The following PARP1 variants were observed in gnomAD, a reference collection of about 807,000 sequenced individuals.
PARP1 encodes poly(ADP-ribose) polymerase 1.
Under a neutral mutation model 118.7 loss-of-function variants are expected in PARP1, and 44 were observed. That is an observed-to-expected ratio of 0.37 (90% CI 0.29 to 0.48). The LOEUF is 0.48. PARP1 is among the 20% of genes least tolerant of loss of function. PARP1 has a pLI of 0.99. For missense variants in PARP1, 1,100 were observed against 1,272.4 expected (o/e 0.86, Z 2.06); for synonymous variants, 492 against 483.2 (o/e 1.02, Z -0.24).
intron 12 of PARP1, among the ~76,000 whole-genome samples, chr1:226,378,203 G>A (rs1664532373): frequency 6.6e-6 from 1 of 152,050 alleles, no homozygotes; most frequent in South Asian, 2.1e-4. Context: ...ATCAACGTTA[G>A]AATTTAGTAA....
intron 2 of PARP1, chr1:226,392,841 C>A: frequency 7.9e-7 from 1 of 1,261,184 alleles, no homozygotes; most frequent in Non-Finnish European, 1.1e-6. Flanking sequence ...CTGGGGATCA[C>A]TGGCTAGCCA....
chr1:226,383,373 T>C (rs1664656926), intron 7 of PARP1, among the ~76,000 whole-genome samples, 190 bp from the exon 8 acceptor site: 1 of 152,330 alleles, frequency 6.6e-6, no homozygotes, highest in East Asian at 1.9e-4. Flanking sequence ...ACAGTACTTA[T>C]TTCCGGTACT....
Position 226,375,765 on chromosome 1 carries a change from T to C in PARP1, c.1941+1343A>G, listed in dbSNP as rs1014812260. ...GTGGCTATAAAAAACTTTAAATGTA[T>C]TGAAATGGCTTGAATTATAATTCTA... On this transcript the variant is annotated intron_variant, in intron 13 of 22. Coordinates refer to ENST00000366794, the MANE Select transcript of PARP1 (RefSeq NM_001618.4). Among the ~76,000 whole-genome samples, 3 of 152,198 alleles carry C rather than the reference T, an allele frequency of 2.0e-5. No individual in the cohort carries two copies. The East Asian group carries it at 5.8e-4, about 29-fold the overall frequency.
At position 226,364,068 on chromosome 1, in the gene PARP1, T is replaced by C; in HGVS notation, c.2661A>G (p.Thr887=). The C allele has an allele frequency of 1.2e-6, 2 of 1,614,002 alleles. No individual in the cohort carries two copies. The highest frequency in any genetic ancestry group is 1.7e-6 in the Non-Finnish European group (2 of 1,179,886). Residue 887 remains threonine (T), a splice_region_variant and synonymous_variant, in exon 20 of 23, where the codon ACA becomes ACG. Transcript: ENST00000366794. ...AGATCCCTTTACCAAACATGTAGCCTGTCTGGAAGGTCGGAAAAGGGAGAG... is the reference window on the plus strand; with the variant it reads ...AGATCCCTTTACCAAACATGTAGCCCGTCTGGAAGGTCGGAAAAGGGAGAG... ...LRIAPPEAPV[T]GYMFGKGIYF...
At position 226,395,118 on chromosome 1, in the gene PARP1, T is replaced by C. The variant is rs1293265658; in HGVS notation, c.287-2804A>G. 3.3e-5 allele frequency among the ~76,000 whole-genome samples: 5 copies of C among 151,984 alleles called. No individual in the cohort carries two copies. The South Asian group carries it at 6.2e-4, about 19-fold the overall frequency. On this transcript the variant is annotated intron_variant, in intron 2 of 22. Coordinates refer to ENST00000366794, the MANE Select transcript of PARP1 (RefSeq NM_001618.4). The stretch of plus-strand genomic sequence containing the variant: ...TACTTCACACACATTAGGATGGCTA[T>C]TATTTAAAAAAAAAAAAAGTGTTCA...
At chr1:226,392,998 G>A (rs1343483405) in intron 2 of PARP1, 3 of 1,522,808 alleles carry the variant, frequency 2.0e-6, no homozygotes, top group Non-Finnish European at 1.7e-6. Flanking sequence ...GTGCATTAAG[G>A]AAAGAAAAAG....
intron 1 of PARP1, among the ~76,000 whole-genome samples, chr1:226,403,966 C>T (rs1665089571): frequency 6.6e-6 from 1 of 152,178 alleles, no homozygotes; most frequent in Admixed American, 6.5e-5. Flanking sequence ...TGGCCTCTTT[C>T]TGGATGTGAT....
intron 2 of PARP1, chr1:226,392,973 T>C (rs904100045): frequency 6.4e-7 from 1 of 1,563,166 alleles, no homozygotes; most frequent in African/African-American, 1.4e-5. Flanking sequence ...CACATGGTAT[T>C]GGAGGTTCTA....
At chr1:226,403,578 C>G (rs1003840726) in intron 1 of PARP1, among the ~76,000 whole-genome samples, 1 of 152,268 alleles carries the variant, frequency 6.6e-6, no homozygotes, top group Non-Finnish European at 1.5e-5. Context: ...CTGTGTAATC[C>G]CACAATCTGC....
chr1:226,398,886 T>C (rs562589996), intron 2 of PARP1, among the ~76,000 whole-genome samples: 2 of 152,200 alleles, frequency 1.3e-5, no homozygotes, highest in Non-Finnish European at 2.9e-5. Flanking sequence ...TGAAAACTTA[T>C]GTCCCCATAA....
chr1:226,370,341 C>G lies in PARP1; in HGVS notation c.2154+93G>C, dbSNP rs559458353. The G allele has an allele frequency of 2.5e-5, 23 of 919,194 alleles. No homozygotes were observed. In the East Asian group the frequency reaches 5.3e-4, roughly 21 times the overall value. The allele number at this position is 919,194 out of a possible 1,614,324, so 56.9% of individuals were successfully genotyped here. On this transcript the variant is annotated intron_variant, in intron 15 of 22. Transcript: ENST00000366794. ...AGTTCAGTACTTCCAGTTTCTTAAC[C>G]TTGAGTAAATGTTACCCCTGCCACC...
intron 2 of PARP1, among the ~76,000 whole-genome samples, chr1:226,397,984 A>T (rs886851908): frequency 6.6e-6 from 1 of 152,136 alleles, no homozygotes; most frequent in Admixed American, 6.5e-5. Context: ...GAAAAAAAAT[A>T]AAGGAATCTA....
intron 4 of PARP1, among the ~76,000 whole-genome samples, chr1:226,390,039 A>C (rs1664791996): frequency 6.6e-6 from 1 of 152,192 alleles, no homozygotes; most frequent in Non-Finnish European, 1.5e-5. Context: ...TGTTCCGAAT[A>C]GTGATCAACC....
At chr1:226,395,598 T>C (rs1664898610) in intron 2 of PARP1, among the ~76,000 whole-genome samples, 1 of 151,858 alleles carries the variant, frequency 6.6e-6, no homozygotes, top group South Asian at 2.1e-4. Flanking sequence ...TGAGCTGAGA[T>C]TGCACCACTG....
chr1:226,377,008 G>T, intron 13 of PARP1, 100 bp downstream of exon 13: 2 of 1,046,032 alleles, frequency 1.9e-6, no homozygotes, highest in Non-Finnish European at 3.0e-6. Flanking sequence ...TTGGTAGTAT[G>T]TTTACTATGA....
At position 226,390,639 on chromosome 1, in the gene PARP1, A is replaced by C; in HGVS notation, c.403-15T>G. 2 of 1,611,546 alleles carry C rather than the reference A, an allele frequency of 1.2e-6. No homozygotes were observed. Among genetic ancestry groups the C allele is most frequent in the Non-Finnish European group, 1.7e-6 (2 of 1,177,816 alleles). ...CGCACCTGGCCCTGCAGGAAAAACCATATGTGGTACCAAGGGAGCGACAAG... is the reference window on the plus strand; with the variant it reads ...CGCACCTGGCCCTGCAGGAAAAACCCTATGTGGTACCAAGGGAGCGACAAG... On this transcript the variant is annotated splice_polypyrimidine_tract_variant and intron_variant, in intron 3 of 22. Transcript: ENST00000366794.
rs764164429 is a variant in PARP1 at position 226,368,339 on chromosome 1, GA to G, written c.2155-19del. Reference sequence around the variant, plus strand: ...GACACCGCCTGGAGAGGAGGGGACAGAAGGAATGCAAGACTGAGGGAGCAGC... The same window carrying G: ...GACACCGCCTGGAGAGGAGGGGACAGAGGAATGCAAGACTGAGGGAGCAGC... On this transcript the variant is annotated intron_variant, in intron 15 of 22. Coordinates refer to ENST00000366794, the MANE Select transcript of PARP1 (RefSeq NM_001618.4). 6.2e-7 allele frequency: 1 copy of G among 1,614,088 alleles called. No individual in the cohort carries two copies.
intron 2 of PARP1, among the ~76,000 whole-genome samples, chr1:226,394,919 T>C (rs538220820): frequency 6.6e-6 from 1 of 152,346 alleles, no homozygotes; most frequent in South Asian, 2.1e-4. Flanking sequence ...TAAATTAATA[T>C]GTCAAGTACT....
intron 5 of PARP1, among the ~76,000 whole-genome samples, chr1:226,388,282 C>G (rs567347188): frequency 6.6e-6 from 1 of 152,336 alleles, no homozygotes; most frequent in South Asian, 2.1e-4. Flanking sequence ...TTGGCATCCT[C>G]TAAGTATTCA....
Sources: allele counts gnomAD v4.1 joint callset (sites outside exome capture counted in the v4.1 genomes callset), GRCh38; gene constraint gnomAD v4.1.1; transcripts MANE v1.5; gene names NCBI Gene and HGNC (gene_info 2026-07-23, HGNC 2026-07-21).